Variants in YARS1 observed in about 807,000 individuals in gnomAD.
The protein encoded by YARS1 is tyrosine--tRNA ligase, cytoplasmic.
In YARS1, 36 loss-of-function variants were observed where a neutral mutation model predicts 62.2. That is an observed-to-expected ratio of 0.58 (90% CI 0.44 to 0.76). The LOEUF (loss-of-function observed/expected upper bound fraction) is 0.76. Among genes scored for constraint, YARS1 ranks in the 30% least tolerant of loss-of-function variants. YARS1 has a pLI of 0.00. For missense variants in YARS1, 524 were observed against 639.8 expected, an observed-to-expected ratio of 0.82 and a Z score of 1.95; for synonymous variants, 234 against 244.9, an observed-to-expected ratio of 0.96 and a Z score of 0.42.
chr1:32,816,508 T>C (rs961354083), intron 1 of YARS1, among the ~76,000 whole-genome samples: 2 of 152,226 alleles, frequency 1.3e-5, no homozygotes, highest in Admixed American at 1.3e-4. Context: ...GTCAGAAGCC[T>C]GAAAAAGTTA....
chr1:32,788,903 C>T (rs1051645551), intron 6 of YARS1, among the ~76,000 whole-genome samples: 8 of 152,178 alleles, frequency 5.3e-5, no homozygotes, highest in Non-Finnish European at 1.5e-5. Context: ...TGGCCCACTG[C>T]GACCTTTGCC....
At chr1:32,778,739 T>C (rs1652956391) in intron 12 of YARS1, among the ~76,000 whole-genome samples, 2 of 144,982 alleles carry the variant, frequency 1.4e-5, no homozygotes, top group Non-Finnish European at 3.0e-5. Context: ...TTCTTTTCTT[T>C]TTTTTTTTTT....
At chr1:32,780,923 T>C (rs923135498) in intron 10 of YARS1, 125 bp downstream of exon 10, 2 of 857,160 alleles carry the variant, frequency 2.3e-6, no homozygotes, top group Non-Finnish European at 3.9e-6. Flanking sequence ...ATTAGACACC[T>C]GCACTCTGAC....
intron 4 of YARS1, 160 bp from the exon 5 acceptor site, chr1:32,798,003 T>A: frequency 1.5e-6 from 1 of 652,888 alleles, no homozygotes; most frequent in Non-Finnish European, 2.8e-6. Context: ...CCCGAGTAGT[T>A]GGGATTACAG....
At position 32,775,843 on chromosome 1, in the gene YARS1, C is replaced by CCGAATAAA; in HGVS notation, c.*137_*138insTTTATTCG. On this transcript the variant is annotated 3_prime_UTR_variant, in exon 13 of 13. Transcript: ENST00000373477. ...CTGGGGAGGGTAAGCTGCCCCTTGC[C>CCGAATAAA]GAGTTCTGCACCGAATAAAGAGTCC... The CCGAATAAA allele has an allele frequency of 3.7e-6, 3 of 808,890 alleles. No individual in the cohort carries two copies. The allele number at this position is 808,890 out of a possible 1,614,324, so 50.1% of individuals were successfully genotyped here.
At chr1:32,780,339 A>T (rs1486648154) in intron 10 of YARS1, 61 bp from the exon 11 acceptor site, 19 of 1,600,370 alleles carry the variant, frequency 1.2e-5, no homozygotes, top group Non-Finnish European at 1.5e-5. Context: ...CAGCCTGGTG[A>T]ACTCTTGGAT....
At chr1:32,782,634 C>T in intron 8 of YARS1, 95 bp from the exon 9 acceptor site, 1 of 1,537,246 alleles carries the variant, frequency 6.5e-7, no homozygotes, top group South Asian at 1.1e-5. Context: ...TTTTTCCCAA[C>T]AGTCTTATTT....
chr1:32,805,949 G>A (rs973523290), intron 4 of YARS1, among the ~76,000 whole-genome samples: 1 of 152,134 alleles, frequency 6.6e-6, no homozygotes, highest in Non-Finnish European at 1.5e-5. Context: ...GCGACACAGC[G>A]AGATTCCGTC....
At chr1:32,779,655 G>A (rs1652989922) in intron 11 of YARS1, 132 bp from the exon 12 acceptor site, 4 of 1,186,222 alleles carry the variant, frequency 3.4e-6, no homozygotes, top group African/African-American at 1.5e-5. Flanking sequence ...AGAGCCCCAG[G>A]AGGTCCTCTT....
In YARS1 at chr1:32,816,997, A is replaced by T. The variant is rs142948706; in HGVS notation, c.57+191T>A. Reference sequence around the variant, plus strand: ...GGACGCAAGAGGTGAGCCCACTGTGATTTCTGGGGAACCCAGGGAAGGGCT... The same window carrying T: ...GGACGCAAGAGGTGAGCCCACTGTGTTTTCTGGGGAACCCAGGGAAGGGCT... On this transcript the variant is annotated intron_variant, in intron 1 of 12. Transcript: ENST00000373477. The T allele has an allele frequency of 6.1e-5, 43 of 709,124 alleles. No homozygotes were observed. The East Asian group carries it at 1.2e-3, about 19-fold the overall frequency. 43.9% of individuals were successfully genotyped at this position (709,124 alleles called of 1,614,324 possible).
intron 5 of YARS1, among the ~76,000 whole-genome samples, chr1:32,794,822 A>G (rs1022963884): frequency 6.6e-6 from 1 of 151,606 alleles, no homozygotes; most frequent in African/African-American, 2.4e-5. Context: ...CCTGGCCAAC[A>G]TGGTGAAACC....
intron 9 of YARS1, chr1:32,781,492 G>C (rs958036272): frequency 1.7e-4 from 52 of 302,266 alleles, no homozygotes; most frequent in Non-Finnish European, 2.6e-4. Context: ...GCTGAGACGG[G>C]AGGATTGCTT....
intron 8 of YARS1, among the ~76,000 whole-genome samples, chr1:32,785,205 A>C (rs2148603074): frequency 6.6e-6 from 1 of 152,278 alleles, no homozygotes; most frequent in East Asian, 1.9e-4. Flanking sequence ...CACGCCTGTA[A>C]TCCCAGCACT....
chr1:32,796,543 T>C (rs1031596188), intron 5 of YARS1, among the ~76,000 whole-genome samples: 6 of 151,686 alleles, frequency 4.0e-5, no homozygotes, highest in African/African-American at 1.2e-4. Flanking sequence ...TTTATTTTAT[T>C]GTGGAGACAG....
chr1:32,781,012 A>C (rs770987592), intron 10 of YARS1, 36 bp downstream of exon 10: 5 of 1,598,660 alleles, frequency 3.1e-6, no homozygotes, highest in African/African-American at 1.3e-5. Flanking sequence ...ACCTGACCCC[A>C]ATCTGCCTCT....
At chr1:32,815,715 C>T (rs1012626906) in intron 1 of YARS1, among the ~76,000 whole-genome samples, 3 of 152,168 alleles carry the variant, frequency 2.0e-5, no homozygotes, top group Admixed American at 6.5e-5. Context: ...GCCCAGAATA[C>T]GCAAATACCT....
chr1:32,780,335 G>C, intron 10 of YARS1, 57 bp from the exon 11 acceptor site: 3 of 1,603,154 alleles, frequency 1.9e-6, no homozygotes, highest in Non-Finnish European at 2.6e-6. Flanking sequence ...GAAGCAGCCT[G>C]GTGAACTCTT....
chr1:32,810,645 C>T lies in YARS1; in HGVS notation c.326G>A (p.Gly109Asp), dbSNP rs1638562641. 6.2e-7 allele frequency: 1 copy of T among 1,613,878 alleles called. No homozygotes were observed. The highest frequency in any genetic ancestry group is 8.5e-7 in the Non-Finnish European group (1 of 1,180,024). Residue 109 changes from glycine to aspartate, a missense_variant, in exon 3 of 13, where the codon GGT becomes GAT. Physicochemically the swap from Gly to Asp is moderately conservative, Grantham distance 94. Coordinates refer to ENST00000373477, the MANE Select transcript of YARS1 (RefSeq NM_003680.4). ...GAACTTGAGCTTCTCCAAGGGCACA[C>T]CAATGCTCTCCAGCATTGCTTTGAT... ...NVIKAMLESI[G>D]VPLEKLKFIK...
At chr1:32,780,766 T>C (rs1557446072) in intron 10 of YARS1, 3 of 491,022 alleles carry the variant, frequency 6.1e-6, no homozygotes, top group South Asian at 2.0e-5. Context: ...GGCAAGCCGA[T>C]AGGGATCAGG....
Sources: allele counts gnomAD v4.1 joint callset (sites outside exome capture counted in the v4.1 genomes callset), GRCh38; gene constraint gnomAD v4.1.1; transcripts MANE v1.5; gene names NCBI Gene and HGNC (gene_info 2026-07-23, HGNC 2026-07-21).